Variants in RRBP1 observed in about 807,000 individuals in gnomAD.
RRBP1 encodes the protein ribosome-binding protein 1.
RRBP1 carries 94 observed loss-of-function variants against 165.2 expected under a neutral mutation model. The observed-to-expected ratio is 0.57, with a 90% CI of 0.48 to 0.68. The LOEUF (loss-of-function observed/expected upper bound fraction) is 0.68, where lower values mean the gene tolerates loss of function less well. RRBP1 is among the 30% of genes least tolerant of loss of function. RRBP1 has a pLI of 0.00. For synonymous variants in RRBP1, 680 were observed against 714.5 expected (o/e 0.95, Z 0.77); for missense variants, 1,676 against 1,763.0 (o/e 0.95, Z 0.88).
At chr20:17,614,705 C>G in intron 24 of RRBP1, 32 bp downstream of exon 24, 1 of 1,606,956 alleles carries the variant, frequency 6.2e-7, no homozygotes, top group Non-Finnish European at 8.5e-7. Context: ...CAGCTCGACT[C>G]CTCCCGCCCT....
chr20:17,660,415 G>C lies in RRBP1; in HGVS notation c.93C>G (p.Phe31Leu), dbSNP rs906212949. ...SAIGIFLVSTFSMKETSYEEA... is the reference protein window; with the variant it reads ...SAIGIFLVSTLSMKETSYEEA... ...CTTCATATGACGTTTCCTTCATGGA[G>C]AAAGTCGACACCAGGAAGATGCCAA... is the stretch of plus-strand genomic sequence containing the variant. The change falls in exon 3 of 25, where the codon TTC becomes TTG. Residue 31 changes from phenylalanine (F) to leucine (L), a missense_variant. Around this residue, in one of 5 missense-constraint regions of RRBP1, gnomAD observed 392 missense variants for 382.5 expected, o/e 1.02. Coordinates refer to ENST00000377813, the MANE Select transcript of RRBP1 (RefSeq NM_001365613.2). 2 of 1,614,002 alleles carry C rather than the reference G, an allele frequency of 1.2e-6. No homozygotes were observed. Among genetic ancestry groups the C allele is most frequent in the Non-Finnish European group, 1.7e-6 (2 of 1,180,030 alleles).
rs2036394316 is a variant in RRBP1, at chr20:17,642,973, G to A, written c.2061+6C>T. On this transcript the variant is annotated splice_donor_region_variant and intron_variant, in intron 4 of 24. Coordinates refer to ENST00000377813, the MANE Select transcript of RRBP1 (RefSeq NM_001365613.2). Reference sequence around the variant, plus strand: ...CTGAGCATGGCCAGCAGGAGGGTGGGCCCACCTTGTGCCAGGTGTCCTGAA... The same window carrying A: ...CTGAGCATGGCCAGCAGGAGGGTGGACCCACCTTGTGCCAGGTGTCCTGAA... 1 of 1,612,912 alleles carries A rather than the reference G, an allele frequency of 6.2e-7. No individual in the cohort carries two copies. Among genetic ancestry groups the A allele is most frequent in the African/African-American group, 1.3e-5 (1 of 74,914 alleles).
rs765879603 is a variant in RRBP1 at position 17,658,630 on chromosome 20, C to T, written c.1878G>A (p.Lys626=). 6.2e-7 allele frequency: 1 copy of T among 1,607,006 alleles called. No homozygotes were observed. Among genetic ancestry groups the T allele is most frequent in the East Asian group, 2.2e-5 (1 of 44,836 alleles). ...PEAPKQEAPA[K]KKSGSKKKGE... The stretch of plus-strand genomic sequence containing the variant: ...CTTTTTTCTTTGAACCAGACTTCTT[C>T]TTGGCAGGAGCCTCTTGCTTTGGTG... Residue 626 remains lysine, a synonymous_variant, in exon 3 of 25, where the codon AAG becomes AAA. Transcript: ENST00000377813.
At chr20:17,620,044 G>A (rs978212303) in intron 18 of RRBP1, among the ~76,000 whole-genome samples, 6 of 152,134 alleles carry the variant, frequency 3.9e-5, no homozygotes, top group Non-Finnish European at 8.8e-5. Flanking sequence ...TGTGAAGGCC[G>A]TGGCAGAAGC....
At position 17,659,826 on chromosome 20, in the gene RRBP1, G is replaced by C. The variant is rs2036725903; in HGVS notation, c.682C>G (p.Gln228Glu). 7 of 1,551,074 alleles carry C rather than the reference G, an allele frequency of 4.5e-6. No individual in the cohort carries two copies. In the Admixed American group the frequency reaches 1.4e-4, roughly 30 times the overall value. The change falls in exon 3 of 25, where the codon CAG (glutamine) becomes GAG (glutamate). Residue 228 changes from glutamine (Q) to glutamate (E), a missense_variant. This residue lies in a region of RRBP1 where 392 missense variants were observed against 382.5 expected (regional missense o/e 1.02). Transcript: ENST00000377813. ...GGGGTTCCCTCTGTCTTTTTGCCCTGGTTTGGGGTTCCCTCTGCCTTTCTG... is the reference window on the plus strand; with the variant it reads ...GGGGTTCCCTCTGTCTTTTTGCCCTCGTTTGGGGTTCCCTCTGCCTTTCTG... ...QGRKAEGTPN[Q>E]GKKTEGTPNQ...
At chr20:17,638,908 C>T (rs748405405) in intron 5 of RRBP1, among the ~76,000 whole-genome samples, 4 of 152,140 alleles carry the variant, frequency 2.6e-5, no homozygotes, top group African/African-American at 4.8e-5. Context: ...AAGCAACCTC[C>T]ACCAAGAAGG....
rs534640599 is a variant in RRBP1, at chr20:17,638,409, G to C, written c.2185-1680C>G. Among the ~76,000 whole-genome samples the C allele has an allele frequency of 5.3e-5, 8 of 152,314 alleles. No homozygotes were observed. The South Asian group carries it at 1.7e-3, about 32-fold the overall frequency. Reference sequence around the variant, plus strand: ...CCTCAGCCCTCCTCTGCCACCTGGAGACACCCTTCCCAGCCCTGGGCAGGC... The same window carrying C: ...CCTCAGCCCTCCTCTGCCACCTGGACACACCCTTCCCAGCCCTGGGCAGGC... On this transcript the variant is annotated intron_variant, in intron 5 of 24. Coordinates refer to ENST00000377813, the MANE Select transcript of RRBP1 (RefSeq NM_001365613.2).
intron 8 of RRBP1, among the ~76,000 whole-genome samples, chr20:17,632,881 C>T (rs544779594): frequency 4.6e-5 from 7 of 152,168 alleles, no homozygotes; most frequent in Admixed American, 6.5e-5. Context: ...TGAAGGAGAA[C>T]AGGCACCCTC....
At chr20:17,626,566 T>G (rs1297598164) in intron 11 of RRBP1, among the ~76,000 whole-genome samples, 4 of 152,172 alleles carry the variant, frequency 2.6e-5, no homozygotes, top group African/African-American at 9.7e-5. Context: ...ACTGATGGCC[T>G]AGGACACATC....
In RRBP1 at chr20:17,615,303, G is replaced by A. The variant is rs530065203; in HGVS notation, c.4050+128C>T. On this transcript the variant is annotated intron_variant, in intron 23 of 24. Coordinates refer to ENST00000377813, the MANE Select transcript of RRBP1 (RefSeq NM_001365613.2). ...CCCCAGCCCCGGGTAGTGACAAGGG[G>A]AACCAGTGCCAAGGGCAGGTCCCGG... is the stretch of plus-strand genomic sequence containing the variant. 3.4e-4 allele frequency: 236 copies of A among 696,078 alleles called. 3 individuals carry two copies. The highest frequency in any genetic ancestry group is 2.9e-4 in the Non-Finnish European group (123 of 423,946). 43.1% of individuals were successfully genotyped at this position (696,078 alleles called of 1,614,324 possible). A position where few individuals can be genotyped will look rare whatever the true frequency, so the allele number is the denominator to read the frequency against.
At chr20:17,650,157 C>T (rs2036529699) in intron 3 of RRBP1, among the ~76,000 whole-genome samples, 1 of 151,424 alleles carries the variant, frequency 6.6e-6, no homozygotes, top group Non-Finnish European at 1.5e-5. Flanking sequence ...GTTGTTTCTT[C>T]TCCATAAAAA....
chr20:17,640,548 A>G (rs893772716), intron 5 of RRBP1, among the ~76,000 whole-genome samples: 6 of 151,980 alleles, frequency 3.9e-5, no homozygotes, highest in Admixed American at 3.3e-4. Context: ...GCCCAACAGG[A>G]CCTCTTCCGG....
chr20:17,616,689 C>G lies in RRBP1; in HGVS notation c.3867+43G>C, dbSNP rs767318938. On this transcript the variant is annotated intron_variant, in intron 21 of 24. Transcript: ENST00000377813. The stretch of plus-strand genomic sequence containing the variant: ...CGGAGGCAGCAGGGCCTGCACTCTT[C>G]TGGGATTAGTGATGTGTCTGGGGAC... The G allele has an allele frequency of 6.5e-6, 9 of 1,376,658 alleles. 1 individual carries two copies. In the South Asian group the frequency reaches 1.1e-4, roughly 16 times the overall value. 85.3% of individuals were successfully genotyped at this position (1,376,658 alleles called of 1,614,324 possible).
At position 17,621,502 on chromosome 20, in the gene RRBP1, G is replaced by A; in HGVS notation, c.3370C>T (p.Leu1124=). The stretch of plus-strand genomic sequence containing the variant: ...CGGTACTGGTCACACTCGGCCTGCA[G>A]TGTGCTCTGCGTCTCCTCGGCCTCC... ...LREAEETQST[L]QAECDQYRSI... The change falls in exon 16 of 25, where the codon CTG becomes TTG. Residue 1124 remains leucine, a synonymous_variant. Coordinates refer to ENST00000377813, the MANE Select transcript of RRBP1 (RefSeq NM_001365613.2). 6.2e-7 allele frequency: 1 copy of A among 1,612,976 alleles called. No individual in the cohort carries two copies. The highest frequency in any genetic ancestry group is 8.5e-7 in the Non-Finnish European group (1 of 1,180,002).
chr20:17,641,538 C>T (rs957792680), intron 5 of RRBP1: 3 of 554,064 alleles, frequency 5.4e-6, no homozygotes, highest in Middle Eastern at 4.8e-4. Context: ...ACTTCCAAAC[C>T]CTTGCTTCAC....
At chr20:17,630,757 C>T (rs1476426595) in intron 8 of RRBP1, among the ~76,000 whole-genome samples, 1 of 152,204 alleles carries the variant, frequency 6.6e-6, no homozygotes, top group African/African-American at 2.4e-5. Flanking sequence ...AAAGCCCGAC[C>T]ACTGATTATT....
intron 20 of RRBP1, among the ~76,000 whole-genome samples, 160 bp from the exon 21 acceptor site, chr20:17,616,999 C>A (rs547725178): frequency 6.6e-6 from 1 of 152,184 alleles, no homozygotes. Flanking sequence ...TGGCCACCCC[C>A]GCCGCCAACC....
chr20:17,644,786 T>C (rs1008352788), intron 3 of RRBP1, among the ~76,000 whole-genome samples: 2 of 152,304 alleles, frequency 1.3e-5, no homozygotes, highest in East Asian at 1.9e-4. Flanking sequence ...TTTAGAAGAT[T>C]TGGTATGAAA....
intron 11 of RRBP1, among the ~76,000 whole-genome samples, chr20:17,627,084 G>A (rs1032287592): frequency 3.3e-5 from 5 of 152,202 alleles, no homozygotes; most frequent in African/African-American, 4.8e-5. Flanking sequence ...ATGGACGGAC[G>A]GCAGGTGGCA....
Sources: allele counts gnomAD v4.1 joint callset (sites outside exome capture counted in the v4.1 genomes callset), GRCh38; gene constraint gnomAD v4.1.1; regional missense constraint gnomAD v4.1.1; transcripts MANE v1.5; gene names NCBI Gene and HGNC (gene_info 2026-07-23, HGNC 2026-07-21).